The following CDH13 variants were observed in gnomAD, a reference collection of about 807,000 sequenced individuals.
CDH13 encodes cadherin-13.
In CDH13, 24 loss-of-function variants were observed where a neutral mutation model predicts 63.8. The observed-to-expected ratio is 0.38, with a 90% CI of 0.27 to 0.53. CDH13 has a LOEUF of 0.53. CDH13 is among the 20% of genes least tolerant of loss of function. The pLI is 0.85. For missense variants in CDH13, 1,049 were observed against 903.1 expected (o/e 1.16, Z -2.07); for synonymous variants, 503 against 355.3 (o/e 1.42, Z -4.67).
chr16:83,274,897 A>C (rs74031932), intron 5 of CDH13, among the ~76,000 whole-genome samples: 2,126 of 152,308 alleles, frequency 0.014, 42 homozygotes, highest in African/African-American at 0.048. Flanking sequence ...CACAAAATCC[A>C]GTCTTTATTC....
chr16:83,280,249 G>A (rs1257942192), intron 5 of CDH13, among the ~76,000 whole-genome samples: 1 of 152,152 alleles, frequency 6.6e-6, no homozygotes, highest in African/African-American at 2.4e-5. Flanking sequence ...CTGCTTTGTC[G>A]ACTAAATTTC....
intron 5 of CDH13, among the ~76,000 whole-genome samples, chr16:83,273,375 C>G (rs1412159249): frequency 6.6e-6 from 1 of 151,888 alleles, no homozygotes; most frequent in African/African-American, 2.4e-5. Context: ...CTTTTGTTCC[C>G]GTCTTAGTGT....
At chr16:82,730,068 T>C (rs1396313772) in intron 1 of CDH13, among the ~76,000 whole-genome samples, 1 of 152,230 alleles carries the variant, frequency 6.6e-6, no homozygotes, top group African/African-American at 2.4e-5. Flanking sequence ...TGTGGCTGGA[T>C]TGATCTTCTA....
intron 5 of CDH13, among the ~76,000 whole-genome samples, chr16:83,239,119 T>C (rs947818468): frequency 6.6e-6 from 1 of 152,210 alleles, no homozygotes; most frequent in African/African-American, 2.4e-5. Flanking sequence ...ATAGCGCCTG[T>C]CTTGTCACAC....
intron 6 of CDH13, among the ~76,000 whole-genome samples, chr16:83,421,218 T>C (rs1189281554): frequency 1.3e-5 from 2 of 152,158 alleles, no homozygotes; most frequent in Admixed American, 6.5e-5. Context: ...CAGGAAAGTA[T>C]AGGATTAGTG....
intron 10 of CDH13, among the ~76,000 whole-genome samples, chr16:83,711,762 C>T (rs1028266196): frequency 4.6e-5 from 7 of 152,296 alleles, no homozygotes; most frequent in East Asian, 1.9e-4. Context: ...AATGATCCAC[C>T]GCCTTGGCCT....
intron 1 of CDH13, among the ~76,000 whole-genome samples, chr16:82,749,078 A>T (rs2034303110): frequency 6.6e-6 from 1 of 152,004 alleles, no homozygotes; most frequent in Admixed American, 6.5e-5. Flanking sequence ...GTGAATCTGG[A>T]ATTGTGGGGT....
intron 3 of CDH13, among the ~76,000 whole-genome samples, chr16:83,103,047 G>A (rs1389925903): frequency 7.0e-6 from 1 of 142,100 alleles, no homozygotes; most frequent in Non-Finnish European, 1.5e-5. Context: ...CTGCCTCCCT[G>A]GTTCAAACAA....
At chr16:83,375,923 G>T (rs149529601) in intron 6 of CDH13, among the ~76,000 whole-genome samples, 1 of 152,168 alleles carries the variant, frequency 6.6e-6, no homozygotes, top group East Asian at 1.9e-4. Context: ...AGAGGCAGAC[G>T]TCATGCAGAG....
chr16:82,728,398 C>G (rs765921959), intron 1 of CDH13, among the ~76,000 whole-genome samples: 4 of 151,936 alleles, frequency 2.6e-5, no homozygotes, highest in Admixed American at 2.6e-4. Flanking sequence ...AGGTTTGGTT[C>G]TAGACCACAG....
chr16:83,253,928 G>T (rs996485260), intron 5 of CDH13, among the ~76,000 whole-genome samples: 7 of 152,144 alleles, frequency 4.6e-5, no homozygotes, highest in African/African-American at 1.7e-4. Context: ...GATGTAATGG[G>T]ATTTAATGTT....
intron 5 of CDH13, among the ~76,000 whole-genome samples, chr16:83,229,347 A>G (rs1393188866): frequency 6.6e-6 from 1 of 152,230 alleles, no homozygotes; most frequent in Non-Finnish European, 1.5e-5. Context: ...GTTTCCCTCT[A>G]CACATAGCAA....
At chr16:83,054,375 T>C (rs2030704787) in intron 3 of CDH13, among the ~76,000 whole-genome samples, 1 of 152,152 alleles carries the variant, frequency 6.6e-6, no homozygotes, top group African/African-American at 2.4e-5. Flanking sequence ...ATCTTGAACT[T>C]TGGGGCCATT....
At chr16:83,604,490 A>G (rs1908143629) in intron 8 of CDH13, among the ~76,000 whole-genome samples, 1 of 152,232 alleles carries the variant, frequency 6.6e-6, no homozygotes, top group East Asian at 1.9e-4. Flanking sequence ...TGAATTGATT[A>G]CTTTTAAATG....
chr16:82,931,523 T>A (rs910000138), intron 2 of CDH13, among the ~76,000 whole-genome samples: 1 of 151,804 alleles, frequency 6.6e-6, no homozygotes, highest in African/African-American at 2.4e-5. Flanking sequence ...CTTTTTTTTT[T>A]TTTTGATGTT....
intron 4 of CDH13, among the ~76,000 whole-genome samples, chr16:83,199,483 T>G (rs968913265): frequency 2.0e-4 from 30 of 152,116 alleles, no homozygotes; most frequent in Non-Finnish European, 4.4e-4. Context: ...CCTCTCTGGG[T>G]CTCCTTAACT....
intron 1 of CDH13, among the ~76,000 whole-genome samples, chr16:82,663,960 G>A (rs1348186581): frequency 1.3e-5 from 2 of 152,206 alleles, no homozygotes; most frequent in African/African-American, 4.8e-5. Context: ...ACTCTGAGGT[G>A]TGAGCCATGT....
chr16:83,009,530 G>A (rs757880329), intron 2 of CDH13, among the ~76,000 whole-genome samples: 1 of 152,078 alleles, frequency 6.6e-6, no homozygotes, highest in African/African-American at 2.4e-5. Context: ...TCATCAAATT[G>A]AGGATCAGAG....
At chr16:82,709,256 A>G (rs899908776) in intron 1 of CDH13, among the ~76,000 whole-genome samples, 3 of 152,214 alleles carry the variant, frequency 2.0e-5, no homozygotes, top group Non-Finnish European at 4.4e-5. Context: ...ATCAAAAGCT[A>G]TTTTAATCCC....
Sources: allele counts gnomAD v4.1 joint callset (sites outside exome capture counted in the v4.1 genomes callset), GRCh38; gene constraint gnomAD v4.1.1; transcripts MANE v1.5; gene names NCBI Gene and HGNC (gene_info 2026-07-23, HGNC 2026-07-21).